The following DCAF8L2 variants were observed in gnomAD, a reference collection of about 807,000 sequenced individuals.
DCAF8L2 encodes the protein DDB1- and CUL4-associated factor 8-like protein 2.
For synonymous variants in DCAF8L2, 200 were observed against 190.9 expected (o/e 1.05, Z -0.39); for missense variants, 430 against 490.7 (o/e 0.88, Z 1.17).
intron 1 of DCAF8L2, among the ~76,000 whole-genome samples, chrX:27,631,112 A>G (rs1004973010): frequency 8.9e-6 from 1 of 111,981 alleles, no homozygotes; most frequent in Non-Finnish European, 1.9e-5. Context: ...AATGAATGTA[A>G]TACCCAACGT....
At chrX:27,614,637 A>G (rs775685722) in intron 1 of DCAF8L2, among the ~76,000 whole-genome samples, 90 of 111,571 alleles carry the variant, frequency 8.1e-4, no homozygotes, top group Admixed American at 1.9e-3. Flanking sequence ...TGTCCCAGAG[A>G]TTCTGATATG....
chrX:27,529,608 G>T, the DCAF8L2 span, among the ~76,000 whole-genome samples: 3 of 111,483 alleles, frequency 2.7e-5, no homozygotes, highest in Non-Finnish European at 5.7e-5. Flanking sequence ...GGACATGTAG[G>T]GTTGAAAAGT....
chrX:27,586,494 A>G (rs1925906414), upstream of DCAF8L2, among the ~76,000 whole-genome samples: 1 of 110,540 alleles, frequency 9.0e-6, no homozygotes, highest in African/African-American at 3.3e-5. Flanking sequence ...TGGTTTATTC[A>G]CTCCTCTATT....
chrX:27,737,991 G>A (rs1921632529), intron 4 of DCAF8L2, among the ~76,000 whole-genome samples: 1 of 111,647 alleles, frequency 9.0e-6, no homozygotes, highest in African/African-American at 3.3e-5. Context: ...AGGCGATACA[G>A]CATTTTAGAA....
chrX:27,744,945 T>A (rs191380192), intron 4 of DCAF8L2, among the ~76,000 whole-genome samples: 30 of 112,063 alleles, frequency 2.7e-4, no homozygotes, highest in African/African-American at 9.7e-4. Context: ...ACCATTTTTC[T>A]TTTTAACTTA....
chrX:27,498,034 G>C, the DCAF8L2 span, among the ~76,000 whole-genome samples: 4 of 112,255 alleles, frequency 3.6e-5, no homozygotes, highest in African/African-American at 1.3e-4. Flanking sequence ...TCCATTGTGT[G>C]TGTGTATATA....
In DCAF8L2 at chrX:27,696,332, AAAAGAAAGAAAG is replaced by A. The variant is rs1318442948; in HGVS notation, c.-143+18422_-143+18433del. Reference sequence around the variant, plus strand: ...AAAGAAAGAAAGAAAGAAAGAAAGAAAAAGAAAGAAAGAGAAAGAAAATTGAAATGGAAGGCA... The same window carrying A: ...AAAGAAAGAAAGAAAGAAAGAAAGAAAGAAAGAAAATTGAAATGGAAGGCA... On this transcript the variant is annotated intron_variant, in intron 3 of 4. Transcript: ENST00000451261. 1.4e-3 allele frequency among the ~76,000 whole-genome samples: 45 copies of A among 31,684 alleles called. 1 individual carries two copies. Among genetic ancestry groups the A allele is most frequent in the African/African-American group, 9.3e-3 (45 of 4,847 alleles). 27.5% of individuals were successfully genotyped at this position (31,684 alleles called of 115,157 possible). A position where few individuals can be genotyped will look rare whatever the true frequency, so the allele number is the denominator to read the frequency against.
upstream of DCAF8L2, among the ~76,000 whole-genome samples, chrX:27,589,517 C>A (rs1925985662): frequency 9.4e-6 from 1 of 106,165 alleles, no homozygotes; most frequent in Non-Finnish European, 1.9e-5. Flanking sequence ...AGCTTCATAC[C>A]ATCTTATATA....
chrX:27,587,432 T>C (rs914355945), upstream of DCAF8L2, among the ~76,000 whole-genome samples: 1 of 111,193 alleles, frequency 9.0e-6, no homozygotes, highest in Non-Finnish European at 1.9e-5. Flanking sequence ...CCTGGGGTGG[T>C]TTTCAATATA....
the DCAF8L2 span, among the ~76,000 whole-genome samples, chrX:27,481,714 T>A: frequency 9.0e-6 from 1 of 111,602 alleles, no homozygotes; most frequent in African/African-American, 3.3e-5. Context: ...AAAGGTGAAT[T>A]ATTATTCATT....
chrX:27,491,671 TCTAACAA>T, the DCAF8L2 span, among the ~76,000 whole-genome samples: 2 of 112,167 alleles, frequency 1.8e-5, no homozygotes, highest in African/African-American at 6.5e-5. Context: ...AGTATTGACT[TCTAACAA>T]AACACTCTTC....
chrX:27,582,284 T>G, the DCAF8L2 span, among the ~76,000 whole-genome samples: 1 of 112,140 alleles, frequency 8.9e-6, no homozygotes, highest in African/African-American at 3.2e-5. Context: ...AACAGTAAAT[T>G]AATATTGGTA....
At chrX:27,696,278 GAA>G (rs1336075881) in intron 3 of DCAF8L2, among the ~76,000 whole-genome samples, 1 of 38,546 alleles carries the variant, frequency 2.6e-5, no homozygotes. Context: ...GAGAAAGAAA[GAA>G]AGAAAGAAAG....
chrX:27,645,772 A>G (rs1157447472), intron 2 of DCAF8L2, among the ~76,000 whole-genome samples: 2 of 110,986 alleles, frequency 1.8e-5, no homozygotes, highest in Non-Finnish European at 3.8e-5. Flanking sequence ...CACACCAACA[A>G]CAGACAAGCA....
At chrX:27,638,668 G>A (rs1928592305) in intron 2 of DCAF8L2, among the ~76,000 whole-genome samples, 1 of 111,552 alleles carries the variant, frequency 9.0e-6, no homozygotes, top group Admixed American at 9.5e-5. Context: ...AGAAATGAGA[G>A]GTTTCAGTTT....
the DCAF8L2 span, among the ~76,000 whole-genome samples, chrX:27,551,722 T>C: frequency 9.0e-6 from 1 of 111,723 alleles, no homozygotes; most frequent in Non-Finnish European, 1.9e-5. Flanking sequence ...ATTTTCCTTA[T>C]CCATCCATCC....
At chrX:27,675,371 A>C (rs1230686438) in intron 2 of DCAF8L2, among the ~76,000 whole-genome samples, 3 of 111,741 alleles carry the variant, frequency 2.7e-5, no homozygotes. Flanking sequence ...AAGCAAAGCT[A>C]TTTGAGGGAT....
chrX:27,736,724 A>G (rs1921540636), intron 4 of DCAF8L2, among the ~76,000 whole-genome samples: 1 of 112,026 alleles, frequency 8.9e-6, no homozygotes, highest in South Asian at 3.7e-4. Context: ...ACTTATCAAT[A>G]TGCCTTTATA....
At chrX:27,722,909 A>C (rs1244859941) in intron 4 of DCAF8L2, among the ~76,000 whole-genome samples, 3 of 111,084 alleles carry the variant, frequency 2.7e-5, no homozygotes, top group African/African-American at 9.8e-5. Context: ...TGATCTGAAA[A>C]GCTACTAGAA....
Sources: gnomAD v4.1 joint callset for allele counts (sites outside exome capture counted in the v4.1 genomes callset) on GRCh38, gnomAD v4.1.1 for gene constraint, MANE v1.5 for transcripts, NCBI Gene and HGNC (gene_info 2026-07-23, HGNC 2026-07-21) for gene names.